The following KANK1 variants were observed in gnomAD, a reference collection of about 807,000 sequenced individuals.
KANK1 encodes KN motif and ankyrin repeat domain-containing protein 1.
In KANK1, 109 loss-of-function variants were observed where a neutral mutation model predicts 106.2. The observed-to-expected ratio is 1.03, with a 90% CI of 0.88 to 1.20. KANK1 has a LOEUF of 1.20. Ranked by LOEUF, KANK1 falls within the 50% of genes most tolerant of loss-of-function variation. The pLI, the probability that KANK1 is intolerant of heterozygous loss-of-function variation, is 0.00. For synonymous variants in KANK1, 873 were observed against 652.2 expected (o/e 1.34, Z -5.16); for missense variants, 2,399 against 1,710.7 (o/e 1.40, Z -7.10).
intron 1 of KANK1, among the ~76,000 whole-genome samples, chr9:664,525 G>A (rs1187380000): frequency 6.6e-6 from 1 of 152,024 alleles, no homozygotes; most frequent in Non-Finnish European, 1.5e-5. Flanking sequence ...TCAAACTCCT[G>A]GACTCAAGCG....
intron 3 of KANK1, among the ~76,000 whole-genome samples, chr9:498,358 G>A (rs2058490329): frequency 6.6e-6 from 1 of 152,178 alleles, no homozygotes; most frequent in African/African-American, 2.4e-5. Context: ...GTCATGTTCA[G>A]TATTAATACT....
intron 1 of KANK1, among the ~76,000 whole-genome samples, chr9:567,814 A>T (rs187763239): frequency 2.1e-3 from 315 of 152,270 alleles, no homozygotes; most frequent in African/African-American, 7.1e-3. Context: ...TCAGAATTAG[A>T]GTCTCTCATT....
chr9:684,354 G>GT, intron 2 of KANK1: 2 of 985,394 alleles, frequency 2.0e-6, no homozygotes, highest in Non-Finnish European at 2.4e-6. Flanking sequence ...AAACCCTTTG[G>GT]TTGGGGATTT....
intron 1 of KANK1, among the ~76,000 whole-genome samples, chr9:556,704 A>G (rs1425840896): frequency 1.3e-5 from 2 of 152,118 alleles, no homozygotes; most frequent in Admixed American, 1.3e-4. Context: ...TTTTCTCTCT[A>G]GCTCTTGCCC....
At chr9:719,205 G>T (rs1196861858) in intron 3 of KANK1, among the ~76,000 whole-genome samples, 1 of 151,924 alleles carries the variant, frequency 6.6e-6, no homozygotes, top group Non-Finnish European at 1.5e-5. Context: ...CTAACCTCAT[G>T]ATCCACCCAC....
intron 8 of KANK1, among the ~76,000 whole-genome samples, chr9:738,894 C>T (rs987944042): frequency 6.6e-6 from 1 of 152,164 alleles, no homozygotes; most frequent in Non-Finnish European, 1.5e-5. Context: ...AGCCTTGGTG[C>T]GTGTGGACCA....
rs113116757 is a variant in KANK1 at position 634,333 on chromosome 9, A to C, written c.-83-42557A>C. ...GTGCCACCTCACCTGCACTGAGTCC[A>C]TCTCTGGACTTCCTTGGTTGAGTTA... On this transcript the variant is annotated intron_variant, in intron 1 of 11. Coordinates refer to ENST00000382297, the MANE Select transcript of KANK1 (RefSeq NM_015158.5). 4.9e-3 allele frequency among the ~76,000 whole-genome samples: 746 copies of C among 152,184 alleles called. 5 individuals carry two copies. Among genetic ancestry groups the C allele is most frequent in the Middle Eastern group, 0.02 (6 of 294 alleles).
chr9:688,018 G>T (rs189345152), intron 2 of KANK1, among the ~76,000 whole-genome samples: 1 of 152,186 alleles, frequency 6.6e-6, no homozygotes, highest in Non-Finnish European at 1.5e-5. Flanking sequence ...CATGATGCTG[G>T]GCATATAATA....
chr9:661,616 T>A (rs1201000997), intron 1 of KANK1, among the ~76,000 whole-genome samples: 1 of 152,068 alleles, frequency 6.6e-6, no homozygotes, highest in Non-Finnish European at 1.5e-5. Context: ...GCAGCATGAT[T>A]TATAATCCTT....
chr9:734,182 A>G (rs1287854924), intron 6 of KANK1: 2 of 152,008 alleles, frequency 1.3e-5, no homozygotes, highest in East Asian at 1.9e-4. Context: ...AGAATGTCAT[A>G]AAGGCCAATT....
chr9:492,700 A>G (rs1481088515), intron 3 of KANK1, among the ~76,000 whole-genome samples: 1 of 152,180 alleles, frequency 6.6e-6, no homozygotes, highest in Non-Finnish European at 1.5e-5. Context: ...AATAACCAAA[A>G]CATGCTTTTG....
At position 559,368 on chromosome 9, in the gene KANK1, C is replaced by T. The variant is rs1204851649; in HGVS notation, c.-84+54614C>T. On this transcript the variant is annotated intron_variant, in intron 1 of 11. Transcript: ENST00000382297. Reference sequence around the variant, plus strand: ...TTTCATTTTTTCCAAGCTTAGAAAACTTGAAGGATGATGACTTTTTTATTG... The same window carrying T: ...TTTCATTTTTTCCAAGCTTAGAAAATTTGAAGGATGATGACTTTTTTATTG... 2.0e-5 allele frequency among the ~76,000 whole-genome samples: 3 copies of T among 150,816 alleles called. No homozygotes were observed. In the East Asian group the frequency reaches 5.9e-4, roughly 29 times the overall value.
In KANK1 at chr9:738,433, A is replaced by G. The variant is rs1281814246; in HGVS notation, c.3482A>G (p.Asn1161Ser). 3.1e-6 allele frequency: 5 copies of G among 1,614,132 alleles called. No individual in the cohort carries two copies. Among genetic ancestry groups the G allele is most frequent in the South Asian group, 2.2e-5 (2 of 91,072 alleles). Residue 1161 changes from asparagine to serine, a missense_variant, in exon 8 of 12, where the codon AAC becomes AGC. Asn to Ser is a conservative substitution (Grantham distance 46). Transcript: ENST00000382297. ...TATGTCATCAACTTGGCAGACGGCA[A>G]CGGCAACACAGCCCTCCATTACAGC... Reference protein sequence around the residue: ...LRYVINLADGNGNTALHYSVS... With the variant: ...LRYVINLADGSGNTALHYSVS...
At chr9:730,576 C>T (rs1166474013) in intron 4 of KANK1, 2 of 322,756 alleles carry the variant, frequency 6.2e-6, no homozygotes, top group Non-Finnish European at 1.2e-5. Context: ...ACCTGTAGTC[C>T]CAGCTACTCC....
Position 471,494 on chromosome 9 carries a change from G to A in KANK1, c.-442+812G>A, listed in dbSNP as rs547766664. On this transcript the variant is annotated intron_variant, in intron 2 of 15. Coordinates refer to the KANK1 transcript ENST00000382303. Reference sequence around the variant, plus strand: ...TCCATGTGGGACTCCCTCCTTATGCGGGCCTCAGTCTGTCATCTTCCTTGG... The same window carrying A: ...TCCATGTGGGACTCCCTCCTTATGCAGGCCTCAGTCTGTCATCTTCCTTGG... 125 of 152,284 alleles carry A rather than the reference G, an allele frequency of 8.2e-4. 2 individuals carry two copies. Among genetic ancestry groups the A allele is most frequent in the African/African-American group, 2.9e-3 (121 of 41,544 alleles). 9.4% of individuals were successfully genotyped at this position (152,284 alleles called of 1,614,324 possible).
intron 1 of KANK1, among the ~76,000 whole-genome samples, chr9:601,275 C>A (rs979164280): frequency 2.0e-5 from 3 of 151,790 alleles, no homozygotes; most frequent in African/African-American, 7.3e-5. Context: ...TGGTCTAATA[C>A]TTCCAGCTAA....
chr9:706,334 C>T (rs1411747260), intron 2 of KANK1, among the ~76,000 whole-genome samples: 1 of 152,050 alleles, frequency 6.6e-6, no homozygotes, highest in African/African-American at 2.4e-5. Flanking sequence ...GTGATTTCTA[C>T]AAGGTGAACT....
chr9:494,562 G>C (rs1036259768), intron 3 of KANK1, among the ~76,000 whole-genome samples: 3 of 152,114 alleles, frequency 2.0e-5, no homozygotes, highest in Admixed American at 1.3e-4. Flanking sequence ...CTACCATCTT[G>C]GTCATTCTAA....
intron 3 of KANK1, among the ~76,000 whole-genome samples, chr9:725,112 A>G (rs1423254423): frequency 2.0e-5 from 3 of 152,148 alleles, no homozygotes; most frequent in African/African-American, 7.2e-5. Context: ...TCCCACAGCT[A>G]AAGGAGAAAG....
Sources: allele counts gnomAD v4.1 joint callset (sites outside exome capture counted in the v4.1 genomes callset), GRCh38; gene constraint gnomAD v4.1.1; transcripts MANE v1.5; gene names NCBI Gene and HGNC (gene_info 2026-07-23, HGNC 2026-07-21).